CNTNAP1: variants seen among roughly 807,000 people sequenced by gnomAD.
CNTNAP1 encodes contactin associated protein 1.
Under a neutral mutation model 161.5 loss-of-function variants are expected in CNTNAP1, and 80 were observed. That is an observed-to-expected ratio of 0.50 (90% CI 0.41 to 0.60). The LOEUF (loss-of-function observed/expected upper bound fraction) is 0.60. CNTNAP1 is among the 20% of genes least tolerant of loss of function. CNTNAP1 has a pLI of 0.00. For synonymous variants in CNTNAP1, 695 were observed against 733.1 expected (o/e 0.95, Z 0.84); for missense variants, 1,464 against 1,854.8 (o/e 0.79, Z 3.87).
intron 9 of CNTNAP1, 129 bp from the exon 10 acceptor site, chr17:42,688,747 G>A: frequency 2.0e-6 from 3 of 1,501,366 alleles, no homozygotes; most frequent in Non-Finnish European, 2.7e-6. Flanking sequence ...GGAGTGGAAG[G>A]TCATTGCCAT....
intron 20 of CNTNAP1, among the ~76,000 whole-genome samples, chr17:42,697,053 A>T (rs1035682342): frequency 2.0e-5 from 3 of 151,958 alleles, no homozygotes; most frequent in Non-Finnish European, 2.9e-5. Context: ...ATAATAATAA[A>T]AATATATATA....
rs765899422 is a variant in CNTNAP1, at chr17:42,690,132, A to G, written c.1780A>G (p.Thr594Ala). Residue 594 changes from threonine to alanine, a missense_variant, in exon 12 of 24, where the codon ACT becomes GCT. This residue lies in a region of CNTNAP1 where 1,383 missense variants were observed against 1,765.0 expected (regional missense o/e 0.78). Coordinates refer to ENST00000264638, the MANE Select transcript of CNTNAP1 (RefSeq NM_003632.3). Reference protein sequence around the residue: ...SCEAYRLSGKTSGNFTIDPDG... With the variant: ...SCEAYRLSGKASGNFTIDPDG... Reference sequence around the variant, plus strand: ...TGAGGCTTATCGGCTCAGTGGGAAAACTTCTGGAAACTTCACCATTGATCC... The same window carrying G: ...TGAGGCTTATCGGCTCAGTGGGAAAGCTTCTGGAAACTTCACCATTGATCC... 1 of 1,613,986 alleles carries G rather than the reference A, an allele frequency of 6.2e-7. No individual in the cohort carries two copies. The highest frequency in any genetic ancestry group is 8.5e-7 in the Non-Finnish European group (1 of 1,179,950).
In CNTNAP1 at chr17:42,685,813, C is replaced by T; in HGVS notation, c.716-144C>T. 1.2e-6 allele frequency: 1 copy of T among 824,784 alleles called. No homozygotes were observed. The highest frequency in any genetic ancestry group is 1.8e-5 in the South Asian group (1 of 55,920). The allele number at this position is 824,784 out of a possible 1,614,324, so 51.1% of individuals were successfully genotyped here. A position where few individuals can be genotyped will look rare whatever the true frequency, so the allele number is the denominator to read the frequency against. On this transcript the variant is annotated intron_variant, in intron 5 of 23. Transcript: ENST00000264638. This position sits in a 1 kb window ranked among gnomAD's most constrained non-coding sequence, Gnocchi z 5.0. ...CCAGGCTAAATGGCTTACCCTGTCA[C>T]ACACTCGCCAATGGCTGTTGATCTA...
chr17:42,687,612 CACCGAAGG>C lies in CNTNAP1; in HGVS notation c.1045-106_1045-99del. 1 of 1,426,766 alleles carries C rather than the reference CACCGAAGG, an allele frequency of 7.0e-7. No homozygotes were observed. The highest frequency in any genetic ancestry group is 2.3e-5 in the East Asian group (1 of 43,640). 88.4% of individuals were successfully genotyped at this position (1,426,766 alleles called of 1,614,324 possible). A position where few individuals can be genotyped will look rare whatever the true frequency, so the allele number is the denominator to read the frequency against. On this transcript the variant is annotated intron_variant, in intron 7 of 23. Coordinates refer to ENST00000264638, the MANE Select transcript of CNTNAP1 (RefSeq NM_003632.3). The surrounding 1 kb of genome is among the most constrained non-coding windows in gnomAD (Gnocchi z 4.7). ...TGGTTGGAGATCTCACCCCCGCCAA[CACCGAAGG>C]AGGGCGGTGACCAGGGTCTTAGACC...
Position 42,685,981 on chromosome 17 carries a change from C to CA in CNTNAP1, c.741dup (p.Gly248ArgfsTer13). The CA allele has an allele frequency of 6.2e-7, 1 of 1,614,190 alleles. No homozygotes were observed. The highest frequency in any genetic ancestry group is 8.5e-7 in the Non-Finnish European group (1 of 1,180,036). On this transcript the variant is annotated frameshift_variant, in exon 6 of 24. Coordinates refer to ENST00000264638, the MANE Select transcript of CNTNAP1 (RefSeq NM_003632.3). LOFTEE classifies it high-confidence loss of function. This position sits in a 1 kb window ranked among gnomAD's most constrained non-coding sequence, Gnocchi z 5.0. The stretch of plus-strand genomic sequence containing the variant: ...GGCAGCAGCCCTATCCAGCCAAGAC[C>CA]AGGTCACACCACCGTGAGCGCAGGC...
Position 42,685,083 on chromosome 17 carries a change from C to T in CNTNAP1, c.456C>T (p.Ala152=). ...GCTACATCCGCATCGTGCCCCTGGC[C>T]TGGAACCCACGCGGCAAGATCGGCC... ...TARYIRIVPL[A]WNPRGKIGLR... is the part of the protein sequence containing the mutation. The change falls in exon 4 of 24, where the codon GCC becomes GCT. Residue 152 remains alanine, a synonymous_variant. Coordinates refer to ENST00000264638, the MANE Select transcript of CNTNAP1 (RefSeq NM_003632.3). The surrounding 1 kb of genome is among the most constrained non-coding windows in gnomAD (Gnocchi z 5.0). The T allele has an allele frequency of 6.3e-7, 1 of 1,579,176 alleles. No homozygotes were observed. The highest frequency in any genetic ancestry group is 8.6e-7 in the Non-Finnish European group (1 of 1,162,018).
In CNTNAP1 at chr17:42,688,897, G is replaced by A. The variant is rs145175049; in HGVS notation, c.1478G>A (p.Arg493Gln). 26 of 1,613,942 alleles carry A rather than the reference G, an allele frequency of 1.6e-5. No individual in the cohort carries two copies. Among genetic ancestry groups the A allele is most frequent in the Non-Finnish European group, 6.8e-6 (8 of 1,179,968 alleles). ...FFGGCPKPAS[R>Q]WDCHSNQTAF... ...CCAGGTTGTCCCAAGCCAGCCAGTC[G>A]ATGGGACTGCCACTCCAACCAGACG... The change falls in exon 10 of 24, where the codon CGA becomes CAA. Residue 493 changes from arginine (R) to glutamine (Q), a missense_variant. Arg to Gln is a conservative substitution (Grantham distance 43). This residue lies in a region of CNTNAP1 where 1,383 missense variants were observed against 1,765.0 expected (regional missense o/e 0.78). Transcript: ENST00000264638.
chr17:42,694,144 C>T (rs967603360), intron 18 of CNTNAP1, among the ~76,000 whole-genome samples: 2 of 151,774 alleles, frequency 1.3e-5, no homozygotes, highest in African/African-American at 2.4e-5. Context: ...CAGGCGTGAG[C>T]CACCGCGTCT....
Position 42,687,783 on chromosome 17 carries a change from A to G in CNTNAP1, c.1108A>G (p.Asn370Asp), listed in dbSNP as rs764803147. Reference protein sequence around the residue: ...PHPINFGGPHNFVQVPGFPRR... With the variant: ...PHPINFGGPHDFVQVPGFPRR... ...CCCTATCAACTTCGGAGGCCCTCAC[A>G]ACTTCGTTCAAGTGCCCGGTTTCCC... Residue 370 changes from asparagine to aspartate, a missense_variant, in exon 8 of 24, where the codon AAC becomes GAC. By Grantham distance (23) the Asn-to-Asp change is conservative. Around this residue, in one of 3 missense-constraint regions of CNTNAP1, gnomAD observed 1,383 missense variants for 1,765.0 expected, o/e 0.78. Coordinates refer to ENST00000264638, the MANE Select transcript of CNTNAP1 (RefSeq NM_003632.3). The surrounding 1 kb of genome is among the most constrained non-coding windows in gnomAD (Gnocchi z 4.7). 1.2e-5 allele frequency: 19 copies of G among 1,614,068 alleles called. No homozygotes were observed. The highest frequency in any genetic ancestry group is 1.6e-5 in the Non-Finnish European group (19 of 1,180,024).
chr17:42,687,903 G>T lies in CNTNAP1; in HGVS notation c.1228G>T (p.Val410Leu). Residue 410 changes from valine (V) to leucine (L), a missense_variant, in exon 8 of 24, where the codon GTG (valine) becomes TTG (leucine). By Grantham distance (32) the Val-to-Leu change is conservative. This residue lies in a region of CNTNAP1 where 1,383 missense variants were observed against 1,765.0 expected (regional missense o/e 0.78). Coordinates refer to ENST00000264638, the MANE Select transcript of CNTNAP1 (RefSeq NM_003632.3). The surrounding 1 kb of genome is among the most constrained non-coding windows in gnomAD (Gnocchi z 4.7). The part of the protein sequence containing the change: ...FSRLGDGLGH[V>L]ELTLSEGQVN... ...CCGTCTGGGGGACGGGCTGGGCCAC[G>T]TGGAGCTGACGCTCAGCGAAGGGCA... 6.2e-7 allele frequency: 1 copy of T among 1,614,212 alleles called. No homozygotes were observed. The highest frequency in any genetic ancestry group is 8.5e-7 in the Non-Finnish European group (1 of 1,180,048).
intron 9 of CNTNAP1, 113 bp from the exon 10 acceptor site, chr17:42,688,763 C>T (rs1325101144): frequency 9.9e-6 from 15 of 1,514,076 alleles, no homozygotes; most frequent in Non-Finnish European, 1.2e-5. Flanking sequence ...GCCATCTACA[C>T]TTTGGTTGTA....
chr17:42,693,980 C>T (rs925256242), intron 18 of CNTNAP1, among the ~76,000 whole-genome samples: 1 of 151,704 alleles, frequency 6.6e-6, no homozygotes, highest in East Asian at 1.9e-4. Flanking sequence ...TTTGCCTCAG[C>T]CTCCCGAGTA....
At chr17:42,695,166 C>T (rs774506490) in intron 18 of CNTNAP1, among the ~76,000 whole-genome samples, 1 of 152,120 alleles carries the variant, frequency 6.6e-6, no homozygotes, top group Admixed American at 6.5e-5. Context: ...AGGCTGTTCT[C>T]GAACTCCTGA....
chr17:42,683,551 G>A, intron 1 of CNTNAP1: 2 of 1,324,722 alleles, frequency 1.5e-6, no homozygotes, highest in East Asian at 6.2e-5. Flanking sequence ...TACTAAACCA[G>A]GGCAGGTATT....
chr17:42,687,642 G>T lies in CNTNAP1; in HGVS notation c.1045-78G>T. ...AAGGAGGGCGGTGACCAGGGTCTTAGACCGGTGTGAAAACTGAATTCCCAG... is the reference window on the plus strand; with the variant it reads ...AAGGAGGGCGGTGACCAGGGTCTTATACCGGTGTGAAAACTGAATTCCCAG... On this transcript the variant is annotated intron_variant, in intron 7 of 23. Transcript: ENST00000264638. This position sits in a 1 kb window ranked among gnomAD's most constrained non-coding sequence, Gnocchi z 4.7. The T allele has an allele frequency of 1.3e-6, 2 of 1,558,616 alleles. No homozygotes were observed. The highest frequency in any genetic ancestry group is 2.4e-5 in the South Asian group (2 of 82,402).
chr17:42,698,528 A>AGAGT, intron 23 of CNTNAP1, 90 bp from the exon 24 acceptor site: 1 of 1,088,786 alleles, frequency 9.2e-7, no homozygotes, highest in Non-Finnish European at 1.3e-6. Context: ...GAAATCTCAA[A>AGAGT]GAGTGCGTGT....
chr17:42,683,420 T>C, intron 1 of CNTNAP1: 1 of 1,086,466 alleles, frequency 9.2e-7, no homozygotes, highest in Non-Finnish European at 1.1e-6. Flanking sequence ...AGGCCTGTAT[T>C]TGGGGATGGT....
In CNTNAP1 at chr17:42,699,347, T is replaced by G; in HGVS notation, c.*437T>G. ...ATGGGGGGAGGAGGCTGCTAAACCC[T>G]ATCCCCCAGCCTCCCCCCTGCCCTG... On this transcript the variant is annotated 3_prime_UTR_variant, in exon 24 of 24. Coordinates refer to ENST00000264638, the MANE Select transcript of CNTNAP1 (RefSeq NM_003632.3). 1.9e-5 allele frequency: 3 copies of G among 154,310 alleles called. No homozygotes were observed. The highest frequency in any genetic ancestry group is 4.3e-5 in the Non-Finnish European group (3 of 69,154). 9.6% of individuals were successfully genotyped at this position (154,310 alleles called of 1,614,324 possible). A position where few individuals can be genotyped will look rare whatever the true frequency, so the allele number is the denominator to read the frequency against.
In CNTNAP1 at chr17:42,699,027, T is replaced by C. The variant is rs539068570; in HGVS notation, c.*117T>C. ...GCTGGCTCTGCTCATCCAGAGGATA[T>C]TCCCCCATCCCCCCCCCATCAAGTT... On this transcript the variant is annotated 3_prime_UTR_variant, in exon 24 of 24. Transcript: ENST00000264638. The C allele has an allele frequency of 1.4e-4, 117 of 837,042 alleles. No individual in the cohort carries two copies. Among genetic ancestry groups the C allele is most frequent in the Non-Finnish European group, 1.2e-4 (68 of 569,968 alleles). The allele number at this position is 837,042 out of a possible 1,614,324, so 51.9% of individuals were successfully genotyped here. A position where few individuals can be genotyped will look rare whatever the true frequency, so the allele number is the denominator to read the frequency against.
Sources: gnomAD v4.1 joint callset for allele counts (sites outside exome capture counted in the v4.1 genomes callset) on GRCh38, gnomAD v4.1.1 for gene constraint, gnomAD v4.1.1 regional missense constraint, Gnocchi (gnomAD v3.1) non-coding constraint, MANE v1.5 for transcripts, NCBI Gene and HGNC (gene_info 2026-07-23, HGNC 2026-07-21) for gene names.